The following FBXO25 variants were observed in gnomAD, a reference collection of about 807,000 sequenced individuals.
FBXO25 encodes the protein F-box only protein 25.
Under a neutral mutation model 51.9 loss-of-function variants are expected in FBXO25, and 45 were observed. The observed-to-expected ratio is 0.87, with a 90% CI of 0.68 to 1.11. FBXO25 has a LOEUF of 1.11. FBXO25 is among the 50% of genes most tolerant of loss of function. The pLI is 0.00. For synonymous variants in FBXO25, 199 were observed against 151.0 expected (o/e 1.32, Z -2.33); for missense variants, 507 against 428.5 (o/e 1.18, Z -1.62).
chr8:458,233 C>T, intron 7 of FBXO25, 136 bp from the exon 8 acceptor site: 2 of 976,394 alleles, frequency 2.0e-6, no homozygotes, highest in Non-Finnish European at 1.5e-6. Context: ...CCCTTGACAC[C>T]TTGCGACGCA....
At chr8:466,214 C>G (rs564625081) in intron 9 of FBXO25, among the ~76,000 whole-genome samples, 2 of 152,382 alleles carry the variant, frequency 1.3e-5, no homozygotes, top group East Asian at 3.9e-4. Flanking sequence ...CTTGCCCTGT[C>G]TTCCATCTCC....
rs1228699172 is a variant in FBXO25 at position 470,720 on chromosome 8, A to T, written c.*1916A>T. On this transcript the variant is annotated 3_prime_UTR_variant, in exon 10 of 10. Coordinates refer to ENST00000350302, the MANE Select transcript of FBXO25 (RefSeq NM_183420.2). Reference sequence around the variant, plus strand: ...TTCTAATCTAGGAAAGGGAGTAAGTACATTGAGTTTCCATTATCCCTGAAG... The same window carrying T: ...TTCTAATCTAGGAAAGGGAGTAAGTTCATTGAGTTTCCATTATCCCTGAAG... 5 of 152,334 alleles carry T rather than the reference A, an allele frequency of 3.3e-5. No individual in the cohort carries two copies. The highest frequency in any genetic ancestry group is 1.2e-4 in the African/African-American group (5 of 41,574). The allele number at this position is 152,334 out of a possible 1,614,324, so 9.4% of individuals were successfully genotyped here.
rs954736492 is a variant in FBXO25, at chr8:416,184, C to A, written c.134+2971C>A. ...GTGCCGGTAGGGCCCCCATGCGGCCCACAGCCCCACTGTGTTTGCTTGGTT... is the reference window on the plus strand; with the variant it reads ...GTGCCGGTAGGGCCCCCATGCGGCCAACAGCCCCACTGTGTTTGCTTGGTT... On this transcript the variant is annotated intron_variant, in intron 2 of 9. Coordinates refer to ENST00000350302, the MANE Select transcript of FBXO25 (RefSeq NM_183420.2). Among the ~76,000 whole-genome samples, 16 of 152,226 alleles carry A rather than the reference C, an allele frequency of 1.1e-4. 1 individual carries two copies. Among genetic ancestry groups the A allele is most frequent in the African/African-American group, 3.9e-4 (16 of 41,464 alleles).
At chr8:459,176 C>T (rs1168441716) in intron 8 of FBXO25, among the ~76,000 whole-genome samples, 2 of 152,232 alleles carry the variant, frequency 1.3e-5, no homozygotes, top group African/African-American at 2.4e-5. Flanking sequence ...GTCCAAGGCA[C>T]CTGCTCTGCA....
chr8:425,389 C>T (rs1043608140), intron 2 of FBXO25, among the ~76,000 whole-genome samples: 5 of 150,896 alleles, frequency 3.3e-5, no homozygotes, highest in Non-Finnish European at 7.4e-5. Flanking sequence ...TCTGTTAGCA[C>T]TTGTAACTTT....
chr8:463,960 C>CTAT (rs528000402), intron 9 of FBXO25, among the ~76,000 whole-genome samples: 13 of 147,822 alleles, frequency 8.8e-5, no homozygotes, highest in African/African-American at 3.0e-4. Flanking sequence ...AGCTAATTCA[C>CTAT]TTCTTTTTTT....
chr8:457,224 C>G (rs1726257903), intron 7 of FBXO25, among the ~76,000 whole-genome samples: 1 of 152,166 alleles, frequency 6.6e-6, no homozygotes, highest in African/African-American at 2.4e-5. Flanking sequence ...GCCCAAACAG[C>G]CAGAACCCCA....
chr8:432,436 C>T (rs906612369), intron 3 of FBXO25, among the ~76,000 whole-genome samples: 5 of 152,086 alleles, frequency 3.3e-5, no homozygotes, highest in Admixed American at 6.6e-5. Flanking sequence ...ACTGTGAATA[C>T]GGGGGGACTA....
In FBXO25 at chr8:473,343, T is replaced by TGGTA. The variant is rs2116892115; in HGVS notation, c.*4540_*4543dup. 6.6e-6 allele frequency: 1 copy of TGGTA among 152,342 alleles called. No homozygotes were observed. The highest frequency in any genetic ancestry group is 1.5e-5 in the Non-Finnish European group (1 of 68,092). 9.4% of individuals were successfully genotyped at this position (152,342 alleles called of 1,614,324 possible). A position where few individuals can be genotyped will look rare whatever the true frequency, so the allele number is the denominator to read the frequency against. ...ACAGCATGAGACAGTGTGTTCTAGG[T>TGGTA]GGTAACGTGGCACCTGCACATGCAC... On this transcript the variant is annotated 3_prime_UTR_variant, in exon 10 of 10. Coordinates refer to ENST00000350302, the MANE Select transcript of FBXO25 (RefSeq NM_183420.2).
intron 7 of FBXO25, among the ~76,000 whole-genome samples, chr8:455,228 G>C (rs1799350122): frequency 6.6e-6 from 1 of 152,214 alleles, no homozygotes; most frequent in South Asian, 2.1e-4. Flanking sequence ...AGCCTTTGCT[G>C]CTCTCTGCCA....
chr8:414,791 C>G (rs1414600862), intron 2 of FBXO25, among the ~76,000 whole-genome samples: 1 of 152,202 alleles, frequency 6.6e-6, no homozygotes, highest in African/African-American at 2.4e-5. Flanking sequence ...GCTGGGTACC[C>G]TCTGTAGGGC....
intron 5 of FBXO25, among the ~76,000 whole-genome samples, chr8:447,073 C>T (rs1380751369): frequency 6.6e-6 from 1 of 152,160 alleles, no homozygotes; most frequent in Non-Finnish European, 1.5e-5. Flanking sequence ...CAAAAGCACT[C>T]GTCAGGGCCA....
At chr8:426,220 C>T (rs1407195576) in intron 2 of FBXO25, among the ~76,000 whole-genome samples, 2 of 152,170 alleles carry the variant, frequency 1.3e-5, no homozygotes, top group Non-Finnish European at 2.9e-5. Flanking sequence ...AGTGGGTCAT[C>T]CCTCAGCTCC....
chr8:414,345 G>T (rs1452824362), intron 2 of FBXO25, among the ~76,000 whole-genome samples: 2 of 152,062 alleles, frequency 1.3e-5, no homozygotes, highest in African/African-American at 4.8e-5. Context: ...TTTTATGGCA[G>T]TTTTTTTAAA....
At chr8:411,353 T>C (rs1282577661) in intron 1 of FBXO25, among the ~76,000 whole-genome samples, 2 of 152,214 alleles carry the variant, frequency 1.3e-5, no homozygotes, top group African/African-American at 2.4e-5. Context: ...CTCTACCTTT[T>C]TGGCTCTTCC....
At position 451,435 on chromosome 8, in the gene FBXO25, G is replaced by A. The variant is rs1799085050; in HGVS notation, c.642G>A (p.Gln214=). The A allele has an allele frequency of 6.2e-7, 1 of 1,613,638 alleles. No individual in the cohort carries two copies. The highest frequency in any genetic ancestry group is 1.3e-5 in the African/African-American group (1 of 74,986). ...ETILAWQQQL[Q]DLQMTKQVNN... is the part of the protein sequence containing the mutation. ...TTCTCGCCTGGCAACAACAGCTACAGGATCTTCAGATGACTAAGGTATAAA... is the reference window on the plus strand; with the variant it reads ...TTCTCGCCTGGCAACAACAGCTACAAGATCTTCAGATGACTAAGGTATAAA... The change falls in exon 7 of 10, where the codon CAG becomes CAA. Residue 214 remains glutamine, a synonymous_variant. Coordinates refer to ENST00000350302, the MANE Select transcript of FBXO25 (RefSeq NM_183420.2).
At chr8:468,356 C>T in intron 9 of FBXO25, 3 of 819,250 alleles carry the variant, frequency 3.7e-6, no homozygotes, top group Non-Finnish European at 4.4e-6. Flanking sequence ...AAAGGAATGG[C>T]TGGGACCAGA....
At chr8:418,333 CTTTTTTTTT>C (rs1207244013) in intron 2 of FBXO25, among the ~76,000 whole-genome samples, 1 of 72,336 alleles carries the variant, frequency 1.4e-5, no homozygotes, top group Non-Finnish European at 2.5e-5. Context: ...TTTGTTTGTT[CTTTTTTTTT>C]TTTTTTTTTT....
intron 4 of FBXO25, among the ~76,000 whole-genome samples, chr8:433,976 A>G (rs538260294): frequency 1.1e-4 from 17 of 152,370 alleles, no homozygotes; most frequent in Admixed American, 3.3e-4. Flanking sequence ...GTGAAAGACC[A>G]TTAAATATTT....
Sources: gnomAD v4.1 joint callset for allele counts (sites outside exome capture counted in the v4.1 genomes callset) on GRCh38, gnomAD v4.1.1 for gene constraint, MANE v1.5 for transcripts, NCBI Gene and HGNC (gene_info 2026-07-23, HGNC 2026-07-21) for gene names.